WWOX: variants seen among roughly 807,000 people sequenced by gnomAD.
WWOX encodes the protein WW domain containing oxidoreductase, also known as WW domain-containing oxidoreductase.
Under a neutral mutation model 46.2 loss-of-function variants are expected in WWOX, and 69 were observed. The observed-to-expected ratio is 1.49, with a 90% confidence interval of 1.23 to 1.82. The LOEUF is 1.82. Ranked by LOEUF, WWOX falls within the 40% of genes most tolerant of loss-of-function variation. WWOX has a pLI of 0.00. For synonymous variants in WWOX, 359 were observed against 202.6 expected, an observed-to-expected ratio of 1.77 and a Z score of -6.56; for missense variants, 919 against 542.6, an observed-to-expected ratio of 1.69 and a Z score of -6.89.
At chr16:79,067,920 C>T (rs1035513276) in intron 8 of WWOX, among the ~76,000 whole-genome samples, 2 of 152,178 alleles carry the variant, frequency 1.3e-5, no homozygotes, top group African/African-American at 2.4e-5. Flanking sequence ...CCTGGGAATG[C>T]CTGTGATCCA....
chr16:78,670,404 G>A (rs895037173), intron 8 of WWOX, among the ~76,000 whole-genome samples: 8 of 152,216 alleles, frequency 5.3e-5, no homozygotes, highest in African/African-American at 1.7e-4. Context: ...GCATTGCAGT[G>A]CCACATGCTG....
intron 8 of WWOX, among the ~76,000 whole-genome samples, chr16:79,103,057 G>C (rs542713628): frequency 6.6e-6 from 1 of 151,258 alleles, no homozygotes; most frequent in Non-Finnish European, 1.5e-5. Flanking sequence ...CTTGCTTTGG[G>C]CAAGTTCTCA....
At chr16:78,491,547 C>G (rs1027165083) in intron 8 of WWOX, among the ~76,000 whole-genome samples, 3 of 152,134 alleles carry the variant, frequency 2.0e-5, no homozygotes, top group Admixed American at 6.5e-5. Context: ...ACTGCAGCCT[C>G]CGCCTCCCAG....
intron 8 of WWOX, among the ~76,000 whole-genome samples, chr16:78,657,331 G>T (rs1323391720): frequency 6.6e-6 from 1 of 152,092 alleles, no homozygotes; most frequent in Non-Finnish European, 1.5e-5. Context: ...AAAATGAGGT[G>T]GGGGGAAGGG....
At chr16:78,791,286 G>T (rs539107502) in intron 8 of WWOX, among the ~76,000 whole-genome samples, 1 of 152,256 alleles carries the variant, frequency 6.6e-6, no homozygotes, top group East Asian at 1.9e-4. Flanking sequence ...CGGGTTTCCT[G>T]TGTGTCTGGT....
At chr16:78,415,512 C>T (rs952832112) in intron 6 of WWOX, among the ~76,000 whole-genome samples, 30 of 152,148 alleles carry the variant, frequency 2.0e-4, no homozygotes, top group African/African-American at 7.0e-4. Flanking sequence ...TTTTACCCAG[C>T]CCCTATTCAA....
At chr16:78,828,867 G>C (rs756141113) in intron 8 of WWOX, among the ~76,000 whole-genome samples, 4 of 152,192 alleles carry the variant, frequency 2.6e-5, no homozygotes, top group Non-Finnish European at 4.4e-5. Flanking sequence ...TTTCTGCATT[G>C]CATTCTTGTA....
chr16:78,204,401 T>C (rs1265800910), intron 5 of WWOX, among the ~76,000 whole-genome samples: 1 of 152,194 alleles, frequency 6.6e-6, no homozygotes, highest in African/African-American at 2.4e-5. Context: ...TTATCCTTTG[T>C]GTTACAAGCA....
At chr16:79,083,107 C>G (rs1483430860) in intron 8 of WWOX, among the ~76,000 whole-genome samples, 1 of 152,164 alleles carries the variant, frequency 6.6e-6, no homozygotes, top group African/African-American at 2.4e-5. Context: ...GAACCTGACA[C>G]ATTTAAGGAA....
At chr16:78,392,128 TG>T (rs1460315512) in intron 6 of WWOX, among the ~76,000 whole-genome samples, 1 of 151,792 alleles carries the variant, frequency 6.6e-6, no homozygotes, top group Non-Finnish European at 1.5e-5. Flanking sequence ...ATAAATTGGG[TG>T]GCATGGCAGG....
chr16:78,674,570 C>CCACA (rs1319212277), intron 8 of WWOX, among the ~76,000 whole-genome samples: 1 of 152,176 alleles, frequency 6.6e-6, no homozygotes, highest in Admixed American at 6.5e-5. Flanking sequence ...CAGGCTTGAG[C>CCACA]CACAGCACCC....
At chr16:78,805,927 A>G (rs1262046878) in intron 8 of WWOX, among the ~76,000 whole-genome samples, 1 of 152,126 alleles carries the variant, frequency 6.6e-6, no homozygotes, top group African/African-American at 2.4e-5. Context: ...TCATCTTTTG[A>G]ACATTAGGGA....
intron 8 of WWOX, among the ~76,000 whole-genome samples, chr16:78,439,299 T>C (rs1219706893): frequency 6.6e-6 from 1 of 152,208 alleles, no homozygotes; most frequent in Non-Finnish European, 1.5e-5. Flanking sequence ...TCCAGATATG[T>C]TAGAAAACTG....
At chr16:78,383,061 A>T (rs531133276) in intron 5 of WWOX, among the ~76,000 whole-genome samples, 1 of 150,764 alleles carries the variant, frequency 6.6e-6, no homozygotes, top group East Asian at 2.0e-4. Context: ...GATCTTAGGC[A>T]TACTGGATCA....
At chr16:78,566,440 C>T (rs758414707) in intron 8 of WWOX, among the ~76,000 whole-genome samples, 4 of 152,152 alleles carry the variant, frequency 2.6e-5, no homozygotes, top group African/African-American at 9.7e-5. Flanking sequence ...CTGCCAAAAA[C>T]CAAGTTTTGC....
chr16:79,123,794 A>C (rs1303030404), intron 8 of WWOX, among the ~76,000 whole-genome samples: 1 of 152,216 alleles, frequency 6.6e-6, no homozygotes, highest in Non-Finnish European at 1.5e-5. Flanking sequence ...TGATTTCTTG[A>C]ATCCCAGGAC....
intron 8 of WWOX, among the ~76,000 whole-genome samples, chr16:78,700,848 C>T (rs902472088): frequency 6.6e-6 from 1 of 152,122 alleles, no homozygotes; most frequent in African/African-American, 2.4e-5. Context: ...AGCTGAATAG[C>T]ACAACACCCA....
In WWOX at chr16:79,138,795, A is replaced by T. The variant is rs951848806; in HGVS notation, c.1057-72813A>T. Among the ~76,000 whole-genome samples, 3 of 152,206 alleles carry T rather than the reference A, an allele frequency of 2.0e-5. No individual in the cohort carries two copies. The South Asian group carries it at 6.2e-4, about 32-fold the overall frequency. ...TCTCATTTCTCTTTGCAGTCACAGC[A>T]GAGATGCAGGCCCACAGTAGGGACT... On this transcript the variant is annotated intron_variant, in intron 8 of 8. Coordinates refer to ENST00000566780, the MANE Select transcript of WWOX (RefSeq NM_016373.4).
At chr16:79,011,908 C>T (rs1341595067) in intron 8 of WWOX, among the ~76,000 whole-genome samples, 2 of 152,212 alleles carry the variant, frequency 1.3e-5, no homozygotes, top group Non-Finnish European at 2.9e-5. Context: ...CCCGCCTCAG[C>T]CTCCTGAGTC....
Sources: allele counts gnomAD v4.1 joint callset (sites outside exome capture counted in the v4.1 genomes callset), GRCh38; gene constraint gnomAD v4.1.1; transcripts MANE v1.5; gene names NCBI Gene and HGNC (gene_info 2026-07-23, HGNC 2026-07-21).